The following TOX2 variants were observed in gnomAD, a reference collection of about 807,000 sequenced individuals.
TOX2 encodes TOX high mobility group box family member 2.
In TOX2, 15 loss-of-function variants were observed where a neutral mutation model predicts 47.4. The ratio of observed to expected loss-of-function variants is 0.32; its 90% CI spans 0.21 to 0.49. The LOEUF (loss-of-function observed/expected upper bound fraction) is 0.49. TOX2 is among the 20% of genes least tolerant of loss of function. The pLI, the probability that TOX2 is intolerant of heterozygous loss-of-function variation, is 0.99. For missense variants in TOX2, 622 were observed against 673.1 expected, an observed-to-expected ratio of 0.92 and a Z score of 0.84; for synonymous variants, 290 against 296.6, an observed-to-expected ratio of 0.98 and a Z score of 0.23.
intron 3 of TOX2, among the ~76,000 whole-genome samples, chr20:44,019,554 G>A (rs1237680697): frequency 6.6e-6 from 1 of 152,196 alleles, no homozygotes; most frequent in Non-Finnish European, 1.5e-5. Flanking sequence ...CAAAAGTGTT[G>A]GTTTAATGGC....
intron 1 of TOX2, among the ~76,000 whole-genome samples, chr20:43,935,697 G>C (rs993419665): frequency 6.6e-6 from 1 of 151,924 alleles, no homozygotes; most frequent in Non-Finnish European, 1.5e-5. Context: ...AGGCCGAGGT[G>C]GGTGGATCAC....
intron 5 of TOX2, among the ~76,000 whole-genome samples, chr20:44,061,564 AG>A (rs1165702246): frequency 1.3e-5 from 2 of 149,054 alleles, no homozygotes; most frequent in Non-Finnish European, 3.0e-5. Context: ...GAACAAGACA[AG>A]GATGCCCACT....
chr20:44,031,777 C>A (rs2071157180), intron 3 of TOX2, among the ~76,000 whole-genome samples: 1 of 152,040 alleles, frequency 6.6e-6, no homozygotes, highest in Non-Finnish European at 1.5e-5. Context: ...GTGGCATGTG[C>A]TTTTGAGGGC....
intron 1 of TOX2, among the ~76,000 whole-genome samples, chr20:43,967,555 A>G (rs1461693061): frequency 6.6e-6 from 1 of 151,920 alleles, no homozygotes; most frequent in Non-Finnish European, 1.5e-5. Flanking sequence ...CCACCATCCC[A>G]ATACTCTTCC....
intron 3 of TOX2, among the ~76,000 whole-genome samples, chr20:44,023,381 G>A (rs1232440596): frequency 1.5e-5 from 2 of 131,298 alleles, no homozygotes; most frequent in African/African-American, 5.9e-5. Context: ...AATGAGCCAA[G>A]ATCGCACCAC....
chr20:43,968,975 C>A (rs1214231039), intron 1 of TOX2, among the ~76,000 whole-genome samples: 1 of 152,170 alleles, frequency 6.6e-6, no homozygotes, highest in Non-Finnish European at 1.5e-5. Context: ...TGCATCTTTG[C>A]TTTGTATGTC....
At chr20:43,948,124 C>T (rs973615779) in intron 1 of TOX2, among the ~76,000 whole-genome samples, 18 of 152,204 alleles carry the variant, frequency 1.2e-4, no homozygotes, top group East Asian at 7.7e-4. Flanking sequence ...CAGTAAATAA[C>T]GTGTTCTCCT....
At chr20:44,050,302 A>G (rs1163235529) in intron 3 of TOX2, among the ~76,000 whole-genome samples, 1 of 152,224 alleles carries the variant, frequency 6.6e-6, no homozygotes, top group African/African-American at 2.4e-5. Context: ...TAGAAAACAG[A>G]GAAGCAGAAG....
intron 1 of TOX2, among the ~76,000 whole-genome samples, chr20:43,918,490 C>T (rs569790167): frequency 1.3e-5 from 2 of 152,276 alleles, no homozygotes; most frequent in South Asian, 4.2e-4. Context: ...TCCCCACCTC[C>T]AGAGGCAACT....
intron 2 of TOX2, among the ~76,000 whole-genome samples, chr20:44,004,684 G>T (rs950461394): frequency 2.4e-4 from 37 of 152,196 alleles, no homozygotes; most frequent in Non-Finnish European, 7.3e-5. Context: ...CACACACCCA[G>T]CTATCCCCGC....
chr20:44,016,010 C>T (rs920007350), intron 3 of TOX2, among the ~76,000 whole-genome samples: 1 of 152,082 alleles, frequency 6.6e-6, no homozygotes, highest in Non-Finnish European at 1.5e-5. Context: ...GTTTTCCCTA[C>T]AAGAAAGGTC....
At chr20:44,014,241 C>G (rs966521018) in intron 3 of TOX2, among the ~76,000 whole-genome samples, 1 of 151,528 alleles carries the variant, frequency 6.6e-6, no homozygotes, top group Admixed American at 6.6e-5. Context: ...AGAGGGTACA[C>G]CCCAATGTGC....
At chr20:43,940,898 C>T (rs558517619) in intron 1 of TOX2, among the ~76,000 whole-genome samples, 34 of 152,256 alleles carry the variant, frequency 2.2e-4, no homozygotes, top group Non-Finnish European at 4.6e-4. Context: ...CAGGTGCTGA[C>T]GGGGGCATCA....
chr20:43,925,212 A>C (rs1232517971), intron 1 of TOX2, among the ~76,000 whole-genome samples: 1 of 151,116 alleles, frequency 6.6e-6, no homozygotes, highest in Non-Finnish European at 1.5e-5. Context: ...TTTTCTACAA[A>C]TGCCTGGTGA....
At chr20:44,009,021 CACAT>C (rs2070736113) in intron 3 of TOX2, among the ~76,000 whole-genome samples, 3 of 152,156 alleles carry the variant, frequency 2.0e-5, no homozygotes, top group Admixed American at 2.0e-4. Context: ...GCTTGAGTCA[CACAT>C]ACACCTGTGG....
intron 1 of TOX2, among the ~76,000 whole-genome samples, chr20:43,953,391 G>C (rs559908318): frequency 6.6e-6 from 1 of 152,084 alleles, no homozygotes; most frequent in Non-Finnish European, 1.5e-5. Flanking sequence ...CTGTTGTGGC[G>C]CCCCTTGTAC....
At chr20:44,046,445 A>G (rs529599470) in intron 3 of TOX2, among the ~76,000 whole-genome samples, 21 of 152,344 alleles carry the variant, frequency 1.4e-4, no homozygotes, top group African/African-American at 3.8e-4. Context: ...TGATACGGCA[A>G]TTGGAATTCT....
Position 43,916,411 on chromosome 20 carries a change from G to A in TOX2, c.99+1421G>A, listed in dbSNP as rs987930738. 6.6e-6 allele frequency among the ~76,000 whole-genome samples: 1 copy of A among 152,352 alleles called. No individual in the cohort carries two copies. The highest frequency in any genetic ancestry group is 1.5e-5 in the Non-Finnish European group (1 of 68,036). ...TTCTGGCAAAGCCTCCCTGCAGTTC[G>A]CCAGGGGCAGCAAGCATCCAGGCCA... On this transcript the variant is annotated intron_variant, in intron 1 of 8. Coordinates refer to ENST00000341197, the MANE Select transcript of TOX2 (RefSeq NM_001098797.2). The surrounding 1 kb of genome is among the most constrained non-coding windows in gnomAD (Gnocchi z 5.0).
At chr20:43,921,588 G>A (rs55952237) in intron 1 of TOX2, among the ~76,000 whole-genome samples, 6 of 152,246 alleles carry the variant, frequency 3.9e-5, no homozygotes, top group East Asian at 1.9e-4. Flanking sequence ...GTTAAAATGC[G>A]AGAGGAACTT....
Sources: gnomAD v4.1 joint callset for allele counts (sites outside exome capture counted in the v4.1 genomes callset) on GRCh38, gnomAD v4.1.1 for gene constraint, Gnocchi (gnomAD v3.1) non-coding constraint, MANE v1.5 for transcripts, NCBI Gene and HGNC (gene_info 2026-07-23, HGNC 2026-07-21) for gene names.